Variants in NDRG3 observed in about 807,000 individuals in gnomAD.
NDRG3 encodes NDRG family member 3.
Under a neutral mutation model 57.2 loss-of-function variants are expected in NDRG3, and 23 were observed. The observed-to-expected ratio is 0.40, with a 90% CI of 0.29 to 0.57. The LOEUF (loss-of-function observed/expected upper bound fraction) is 0.57. Ranked by LOEUF, NDRG3 falls within the 20% of genes least tolerant of loss-of-function variation. NDRG3 has a pLI of 0.42. For missense variants in NDRG3, 384 were observed against 457.3 expected (o/e 0.84, Z 1.46); for synonymous variants, 132 against 162.6 (o/e 0.81, Z 1.43).
chr20:36,662,919 T>G (rs1979329860), intron 12 of NDRG3, among the ~76,000 whole-genome samples: 2 of 152,100 alleles, frequency 1.3e-5, no homozygotes, highest in South Asian at 2.1e-4. Flanking sequence ...CCACACAATT[T>G]AAAAAAGGCA....
chr20:36,681,855 G>A lies in NDRG3; in HGVS notation c.444+663C>T, dbSNP rs1191293670. Reference sequence around the variant, plus strand: ...TGGGATTACAGGCACCTACCACCACGCCCAGCTAATTTTTGTATTTTTAGT... The same window carrying A: ...TGGGATTACAGGCACCTACCACCACACCCAGCTAATTTTTGTATTTTTAGT... On this transcript the variant is annotated intron_variant, in intron 7 of 15. Coordinates refer to ENST00000349004, the MANE Select transcript of NDRG3 (RefSeq NM_032013.4). Among the ~76,000 whole-genome samples, 4 of 151,506 alleles carry A rather than the reference G, an allele frequency of 2.6e-5. No homozygotes were observed. In the East Asian group the frequency reaches 7.9e-4, roughly 30 times the overall value.
chr20:36,677,647 G>A (rs984774967), intron 8 of NDRG3, among the ~76,000 whole-genome samples: 3 of 152,180 alleles, frequency 2.0e-5, no homozygotes, highest in African/African-American at 7.2e-5. Context: ...CAGAGAAGTC[G>A]GAATGACTCG....
chr20:36,718,252 G>A (rs1176845663), intron 2 of NDRG3, among the ~76,000 whole-genome samples: 1 of 152,200 alleles, frequency 6.6e-6, no homozygotes, highest in African/African-American at 2.4e-5. Context: ...GGAAGTCTTT[G>A]TTTGGAGGTG....
chr20:36,681,215 G>A (rs1981259247), intron 7 of NDRG3, among the ~76,000 whole-genome samples: 1 of 152,120 alleles, frequency 6.6e-6, no homozygotes, highest in Non-Finnish European at 1.5e-5. Flanking sequence ...ACAAGCAGCT[G>A]CTCCATGCTC....
intron 10 of NDRG3, among the ~76,000 whole-genome samples, chr20:36,665,611 T>G (rs1288104677): frequency 6.6e-6 from 1 of 152,116 alleles, no homozygotes; most frequent in Admixed American, 6.6e-5. Context: ...ATTAATGTAT[T>G]TTTTTGAGAC....
intron 1 of NDRG3, among the ~76,000 whole-genome samples, chr20:36,725,712 C>CTTT (rs1984892652): frequency 6.6e-6 from 1 of 151,910 alleles, no homozygotes; most frequent in South Asian, 2.1e-4. Flanking sequence ...CCTATTTCCA[C>CTTT]TTGTTTTTCT....
chr20:36,723,096 T>C (rs1482388263), intron 1 of NDRG3, among the ~76,000 whole-genome samples: 1 of 152,198 alleles, frequency 6.6e-6, no homozygotes, highest in Non-Finnish European at 1.5e-5. Context: ...CAGGGACACC[T>C]GACTGCAACC....
At chr20:36,682,013 T>C (rs569176178) in intron 7 of NDRG3, among the ~76,000 whole-genome samples, 1 of 152,312 alleles carries the variant, frequency 6.6e-6, no homozygotes, top group East Asian at 1.9e-4. Context: ...CTTACTTTTT[T>C]TCTCTGACTA....
intron 3 of NDRG3, 40 bp downstream of exon 3, chr20:36,706,932 A>T: frequency 6.3e-7 from 1 of 1,584,620 alleles, no homozygotes; most frequent in Non-Finnish European, 8.7e-7. Flanking sequence ...CACTGCAGAG[A>T]TCCTGTACAG....
chr20:36,689,788 T>C (rs1342875527), intron 3 of NDRG3, among the ~76,000 whole-genome samples: 1 of 148,782 alleles, frequency 6.7e-6, no homozygotes, highest in Non-Finnish European at 1.5e-5. Flanking sequence ...TGGCGCGATC[T>C]CGGCTCACTG....
At chr20:36,688,368 CAT>C (rs1490271684) in intron 4 of NDRG3, among the ~76,000 whole-genome samples, 2 of 149,002 alleles carry the variant, frequency 1.3e-5, no homozygotes, top group Non-Finnish European at 3.0e-5. Context: ...TAACCTGAAA[CAT>C]ATTTAAAAAA....
In NDRG3 at chr20:36,657,259, G is replaced by GA. The variant is rs536986129; in HGVS notation, c.859-728_859-727insT. Among the ~76,000 whole-genome samples, 1,450 of 152,156 alleles carry GA rather than the reference G, an allele frequency of 9.5e-3. 24 individuals are homozygous for GA. The highest frequency in any genetic ancestry group is 0.034 in the African/African-American group (1,397 of 41,510). ...CCCAGCACCTTGGGAGGCCGAGGTC[G>GA]GGGGGATCACCTGAGGTCAGGAGTT... On this transcript the variant is annotated intron_variant, in intron 13 of 15. Transcript: ENST00000349004.
chr20:36,690,527 C>A (rs1298823147), intron 3 of NDRG3, among the ~76,000 whole-genome samples: 116 of 87,878 alleles, frequency 1.3e-3, no homozygotes, highest in African/African-American at 5.5e-3. Context: ...AGCTCAGGAA[C>A]CCAATAGAGC....
intron 1 of NDRG3, among the ~76,000 whole-genome samples, chr20:36,725,501 C>G (rs796910817): frequency 2.0e-5 from 3 of 150,192 alleles, no homozygotes; most frequent in African/African-American, 7.3e-5. Flanking sequence ...ACTCGGGAGG[C>G]TGAGGCAGGA....
At chr20:36,699,824 A>C (rs1377342624) in intron 3 of NDRG3, among the ~76,000 whole-genome samples, 1 of 151,948 alleles carries the variant, frequency 6.6e-6, no homozygotes, top group Non-Finnish European at 1.5e-5. Flanking sequence ...CAATACTTTA[A>C]AAGTAGATGA....
At chr20:36,744,976 G>A (rs948777067) in intron 1 of NDRG3, among the ~76,000 whole-genome samples, 3 of 151,536 alleles carry the variant, frequency 2.0e-5, no homozygotes, top group Non-Finnish European at 4.4e-5. Flanking sequence ...AAGGGGGGGG[G>A]GGGGCGCGGC....
chr20:36,716,125 G>A (rs2148188246), intron 2 of NDRG3, among the ~76,000 whole-genome samples: 1 of 151,844 alleles, frequency 6.6e-6, no homozygotes, highest in African/African-American at 2.4e-5. Flanking sequence ...TTGTCCTGGA[G>A]GTTACAAAAT....
intron 1 of NDRG3, among the ~76,000 whole-genome samples, chr20:36,723,376 C>T (rs116507062): frequency 2.5e-4 from 38 of 152,170 alleles, no homozygotes; most frequent in African/African-American, 8.4e-4. Flanking sequence ...GAAAGTGATT[C>T]CCACCTAGAC....
chr20:36,693,838 C>A (rs981049779), intron 3 of NDRG3, among the ~76,000 whole-genome samples: 12 of 151,710 alleles, frequency 7.9e-5, no homozygotes, highest in African/African-American at 2.9e-4. Context: ...TGGTGAGTTG[C>A]ACGATTATTT....
Sources: gnomAD v4.1 joint callset for allele counts (sites outside exome capture counted in the v4.1 genomes callset) on GRCh38, gnomAD v4.1.1 for gene constraint, MANE v1.5 for transcripts, NCBI Gene and HGNC (gene_info 2026-07-23, HGNC 2026-07-21) for gene names.